The following RNASE4 variants were observed in gnomAD, a reference collection of about 807,000 sequenced individuals.
RNASE4 encodes ribonuclease A family member 4, also known as ribonuclease 4.
For synonymous variants in RNASE4, 93 were observed against 71.4 expected, an observed-to-expected ratio of 1.30 and a Z score of -1.52; for missense variants, 194 against 192.8, an observed-to-expected ratio of 1.01 and a Z score of -0.04.
intron 1 of RNASE4, among the ~76,000 whole-genome samples, chr14:20,696,330 G>A (rs1226890169): frequency 1.3e-5 from 2 of 152,142 alleles, no homozygotes; most frequent in South Asian, 2.1e-4. Flanking sequence ...GTCCTTTTTG[G>A]TCTGGGCCTC....
Position 20,699,491 on chromosome 14 carries a change from C to A in RNASE4, c.120C>A (p.His40Gln), listed in dbSNP as rs749582712. ...TGTACCAGCGATTCCTGCGGCAACA[C>A]GTGCACCCTGAGGAGACAGGTGGCA... is the stretch of plus-strand genomic sequence containing the variant. ...DGMYQRFLRQHVHPEETGGSD... is the reference protein window; with the variant it reads ...DGMYQRFLRQQVHPEETGGSD... The change falls in exon 2 of 2, where the codon CAC becomes CAA. Residue 40 changes from histidine (H) to glutamine (Q), a missense_variant. Coordinates refer to ENST00000555835, the MANE Select transcript of RNASE4 (RefSeq NM_002937.5). The A allele has an allele frequency of 6.2e-7, 1 of 1,614,132 alleles. No individual in the cohort carries two copies. Among genetic ancestry groups the A allele is most frequent in the Non-Finnish European group, 8.5e-7 (1 of 1,180,036 alleles).
At position 20,699,835 on chromosome 14, in the gene RNASE4, A is replaced by T; in HGVS notation, c.*20A>T. 6.2e-7 allele frequency: 1 copy of T among 1,606,594 alleles called. No individual in the cohort carries two copies. The highest frequency in any genetic ancestry group is 1.1e-5 in the South Asian group (1 of 90,732). ...GGTTAGATGCCACCATGTAGGGATT[A>T]TCGCGAGTGGTTGACCTTACACTTA... is the stretch of plus-strand genomic sequence containing the variant. On this transcript the variant is annotated 3_prime_UTR_variant, in exon 2 of 2. Transcript: ENST00000555835.
intron 1 of RNASE4, among the ~76,000 whole-genome samples, chr14:20,687,886 T>A (rs538220114): frequency 8.5e-5 from 13 of 152,300 alleles, no homozygotes; most frequent in Admixed American, 2.0e-4. Context: ...TGAGGATTTT[T>A]AAAAAGATAA....
intron 1 of RNASE4, among the ~76,000 whole-genome samples, chr14:20,691,118 A>G (rs1021359925): frequency 6.6e-6 from 1 of 152,230 alleles, no homozygotes; most frequent in African/African-American, 2.4e-5. Flanking sequence ...TTCTGTGAAC[A>G]GCAATATCCC....
At chr14:20,691,724 C>T (rs1472410547) in intron 1 of RNASE4, among the ~76,000 whole-genome samples, 1 of 152,194 alleles carries the variant, frequency 6.6e-6, no homozygotes, top group African/African-American at 2.4e-5. Context: ...TTTTTTCATT[C>T]CACAATAATG....
intron 1 of RNASE4, among the ~76,000 whole-genome samples, chr14:20,697,084 A>C (rs1887117826): frequency 6.6e-6 from 1 of 152,218 alleles, no homozygotes; most frequent in African/African-American, 2.4e-5. Flanking sequence ...ATTGGTATCC[A>C]CACTGGCCTG....
chr14:20,689,738 G>A (rs966482595), intron 1 of RNASE4, among the ~76,000 whole-genome samples: 10 of 152,028 alleles, frequency 6.6e-5, no homozygotes, highest in Admixed American at 3.9e-4. Flanking sequence ...CCGACATGGC[G>A]AAACCCCGTC....
intron 1 of RNASE4, among the ~76,000 whole-genome samples, chr14:20,695,220 C>A (rs930239865): frequency 6.6e-6 from 1 of 151,940 alleles, no homozygotes; most frequent in Non-Finnish European, 1.5e-5. Flanking sequence ...CATGGTGAAA[C>A]CTTGTCTCTA....
intron 1 of RNASE4, among the ~76,000 whole-genome samples, chr14:20,689,940 G>A (rs1344499698): frequency 4.7e-5 from 7 of 150,026 alleles, no homozygotes; most frequent in African/African-American, 1.7e-4. Flanking sequence ...AACAGGCCGG[G>A]CGCGGTGGCT....
In RNASE4 at chr14:20,690,905, G is replaced by T. The variant is rs184297073; in HGVS notation, c.-18+6147G>T. 4.0e-3 allele frequency among the ~76,000 whole-genome samples: 614 copies of T among 152,326 alleles called. 1 individual carries two copies. The highest frequency in any genetic ancestry group is 0.017 in the Middle Eastern group (5 of 294). On this transcript the variant is annotated intron_variant, in intron 1 of 1. Coordinates refer to ENST00000555835, the MANE Select transcript of RNASE4 (RefSeq NM_002937.5). ...TACTTCATTGTTCATCCACGATCAC[G>T]TGGGTAATGGCATGTTTGGAAATGG...
rs1201559859 is a variant in RNASE4 at position 20,687,209 on chromosome 14, A to AT, written c.-18+2456dup. ...TTAGATGCATTCTAATGAAATAGTA[A>AT]TTTTTCCCCCAAACCCTACTTTTCA... On this transcript the variant is annotated intron_variant, in intron 1 of 1. Transcript: ENST00000555835. 9.9e-4 allele frequency among the ~76,000 whole-genome samples: 151 copies of AT among 152,336 alleles called. 2 individuals carry two copies. The highest frequency in any genetic ancestry group is 3.5e-3 in the African/African-American group (144 of 41,564).
intron 1 of RNASE4, among the ~76,000 whole-genome samples, chr14:20,689,646 G>A (rs1328775801): frequency 6.6e-6 from 1 of 152,212 alleles, no homozygotes; most frequent in Non-Finnish European, 1.5e-5. Context: ...GCCAGGTGTG[G>A]TGGCTCACAC....
In RNASE4 at chr14:20,700,106, G is replaced by A. The variant is rs1054889167; in HGVS notation, c.*291G>A. On this transcript the variant is annotated 3_prime_UTR_variant, in exon 2 of 2. Transcript: ENST00000555835. ...TTTAGTTATTATGTGTATTTATGTA[G>A]TATTTCAAACATTTCAAAATGCTTT... 1 of 353,118 alleles carries A rather than the reference G, an allele frequency of 2.8e-6. No homozygotes were observed. Among genetic ancestry groups the A allele is most frequent in the African/African-American group, 2.1e-5 (1 of 48,040 alleles). 21.9% of individuals were successfully genotyped at this position (353,118 alleles called of 1,614,324 possible). A position where few individuals can be genotyped will look rare whatever the true frequency, so the allele number is the denominator to read the frequency against.
At chr14:20,695,662 C>G (rs1254853209) in intron 1 of RNASE4, among the ~76,000 whole-genome samples, 2 of 152,198 alleles carry the variant, frequency 1.3e-5, no homozygotes, top group East Asian at 3.9e-4. Context: ...TTATTGTGGT[C>G]TCAGTATTCC....
chr14:20,686,392 T>C (rs1046521138), intron 1 of RNASE4, among the ~76,000 whole-genome samples: 1 of 152,222 alleles, frequency 6.6e-6, no homozygotes, highest in Non-Finnish European at 1.5e-5. Flanking sequence ...CAAGTTATTG[T>C]TGGAAGCATT....
chr14:20,694,108 A>G, intron 1 of RNASE4: 1 of 1,322,780 alleles, frequency 7.6e-7, no homozygotes, highest in Non-Finnish European at 1.1e-6. Context: ...CAAGGGCCCA[A>G]AGAAAGAGCT....
At chr14:20,694,843 G>A (rs1317850018) in intron 1 of RNASE4, among the ~76,000 whole-genome samples, 1 of 152,014 alleles carries the variant, frequency 6.6e-6, no homozygotes, top group South Asian at 2.1e-4. Flanking sequence ...CATACCAACA[G>A]ATTATTATAG....
At chr14:20,687,445 T>C (rs932872822) in intron 1 of RNASE4, among the ~76,000 whole-genome samples, 2 of 152,214 alleles carry the variant, frequency 1.3e-5, no homozygotes, top group Admixed American at 1.3e-4. Flanking sequence ...TGTGAGTCGG[T>C]GCTTGAATTG....
intron 1 of RNASE4, among the ~76,000 whole-genome samples, chr14:20,698,533 C>A (rs1265071814): frequency 6.6e-6 from 1 of 152,308 alleles, no homozygotes; most frequent in African/African-American, 2.4e-5. Context: ...TTAGCTTACT[C>A]ATTTCACTTA....
Sources: allele counts gnomAD v4.1 joint callset (sites outside exome capture counted in the v4.1 genomes callset), GRCh38; gene constraint gnomAD v4.1.1; transcripts MANE v1.5; gene names NCBI Gene and HGNC (gene_info 2026-07-23, HGNC 2026-07-21).